SPTBN1: variants seen among roughly 807,000 people sequenced by gnomAD.
SPTBN1 encodes spectrin beta, non-erythrocytic 1.
SPTBN1 carries 32 observed loss-of-function variants against 266.4 expected under a neutral mutation model. The observed-to-expected ratio is 0.12, with a 90% CI of 0.09 to 0.16. The LOEUF (loss-of-function observed/expected upper bound fraction) is 0.16. SPTBN1 is among the 10% of genes least tolerant of loss of function. SPTBN1 has a pLI of 1.00. For missense variants in SPTBN1, 2,296 were observed against 3,067.1 expected (o/e 0.75, Z 5.94); for synonymous variants, 1,336 against 1,162.2 (o/e 1.15, Z -3.04).
At position 54,666,808 on chromosome 2, in the gene SPTBN1, C is replaced by T. The variant is rs1242157553; in HGVS notation, c.6833+720C>T. On this transcript the variant is annotated intron_variant, in intron 34 of 35. Transcript: ENST00000356805. Reference sequence around the variant, plus strand: ...CTTCCATTTATTTGTATGTTTCATGCCAGTTGGACTAGGCCCAGGGCTCCA... The same window carrying T: ...CTTCCATTTATTTGTATGTTTCATGTCAGTTGGACTAGGCCCAGGGCTCCA... Among the ~76,000 whole-genome samples the T allele has an allele frequency of 4.6e-5, 7 of 152,336 alleles. No homozygotes were observed. In the East Asian group the frequency reaches 7.7e-4, roughly 17 times the overall value.
At chr2:54,561,878 T>TA (rs1673331668) in intron 2 of SPTBN1, among the ~76,000 whole-genome samples, 3 of 64,950 alleles carry the variant, frequency 4.6e-5, no homozygotes, top group Admixed American at 1.7e-4. Flanking sequence ...ATAAGTGTGA[T>TA]TAAAAAAAAA....
At position 54,463,333 on chromosome 2, in the gene SPTBN1, A is replaced by G. The variant is rs541317004; in HGVS notation, c.-48+6815A>G. Among the ~76,000 whole-genome samples the G allele has an allele frequency of 7.4e-4, 113 of 152,380 alleles. 1 individual carries two copies. The highest frequency in any genetic ancestry group is 2.7e-3 in the African/African-American group (111 of 41,596). On this transcript the variant is annotated intron_variant, in intron 1 of 35. Transcript: ENST00000356805. ...GATGACAAATAGACAAGTCAAGTGCATGATTGGATATTTGATTGGGAAGAG... is the reference window on the plus strand; with the variant it reads ...GATGACAAATAGACAAGTCAAGTGCGTGATTGGATATTTGATTGGGAAGAG...
intron 1 of SPTBN1, among the ~76,000 whole-genome samples, chr2:54,460,999 T>C (rs1693337645): frequency 6.6e-6 from 1 of 152,064 alleles, no homozygotes; most frequent in South Asian, 2.1e-4. Context: ...CGAGACTCTG[T>C]CTCAAAAAAA....
intron 2 of SPTBN1, among the ~76,000 whole-genome samples, chr2:54,562,722 G>GTA (rs1673394619): frequency 6.7e-6 from 1 of 150,366 alleles, no homozygotes; most frequent in African/African-American, 2.5e-5. Context: ...GTGTGTGTGT[G>GTA]TGTGTGTGTG....
chr2:54,624,757 A>G (rs200805677), intron 10 of SPTBN1, 47 bp from the exon 11 acceptor site: 149 of 1,608,798 alleles, frequency 9.3e-5, no homozygotes, highest in East Asian at 2.2e-4. Flanking sequence ...TTCCTTGAAC[A>G]CTGCAGGAAA....
rs1034892391 is a variant in SPTBN1 at position 54,632,683 on chromosome 2, G to A, written c.3682G>A (p.Val1228Met). The A allele has an allele frequency of 3.1e-6, 5 of 1,614,228 alleles. No individual in the cohort carries two copies. Among genetic ancestry groups the A allele is most frequent in the Non-Finnish European group, 3.4e-6 (4 of 1,180,040 alleles). Residue 1228 changes from valine (V) to methionine (M), a missense_variant, in exon 17 of 36, where the codon GTG becomes ATG. Transcript: ENST00000356805. ...CGCCAATGAGGAGAAGATCAATGCT[G>A]TGGTGGAGACTGGCCGGAGGCTGGT... Reference protein sequence around the residue: ...MDANEEKINAVVETGRRLVSD... With the variant: ...MDANEEKINAMVETGRRLVSD...
At chr2:54,500,753 G>A (rs1404446131) in intron 1 of SPTBN1, among the ~76,000 whole-genome samples, 1 of 152,140 alleles carries the variant, frequency 6.6e-6, no homozygotes, top group South Asian at 2.1e-4. Flanking sequence ...GCCCAAGGTG[G>A]TCTCAAACTC....
intron 1 of SPTBN1, among the ~76,000 whole-genome samples, chr2:54,479,573 A>G (rs1339784777): frequency 1.3e-5 from 2 of 152,226 alleles, no homozygotes; most frequent in East Asian, 1.9e-4. Flanking sequence ...GGCATAAACT[A>G]GGAAGGTCTG....
intron 33 of SPTBN1, among the ~76,000 whole-genome samples, chr2:54,665,476 T>G (rs1448705948): frequency 1.3e-5 from 2 of 152,226 alleles, no homozygotes; most frequent in Admixed American, 6.5e-5. Flanking sequence ...GGGTCTGTCT[T>G]TCTGTCAAGT....
intron 3 of SPTBN1, among the ~76,000 whole-genome samples, chr2:54,610,597 T>G (rs577774609): frequency 6.6e-6 from 1 of 152,164 alleles, no homozygotes; most frequent in Non-Finnish European, 1.5e-5. Context: ...GATAAAAAGA[T>G]ATTTCACAAA....
At chr2:54,640,834 G>A (rs1350329964) in intron 18 of SPTBN1, among the ~76,000 whole-genome samples, 4 of 152,234 alleles carry the variant, frequency 2.6e-5, no homozygotes. Flanking sequence ...TTACAGGTGT[G>A]GGCCACCACG....
intron 2 of SPTBN1, among the ~76,000 whole-genome samples, chr2:54,578,011 G>C (rs1005821364): frequency 6.6e-6 from 1 of 152,198 alleles, no homozygotes; most frequent in African/African-American, 2.4e-5. Context: ...CCTTATCTTG[G>C]AGGACTTTAT....
At chr2:54,539,597 T>C (rs543042494) in intron 2 of SPTBN1, among the ~76,000 whole-genome samples, 4 of 152,286 alleles carry the variant, frequency 2.6e-5, no homozygotes, top group Admixed American at 1.3e-4. Flanking sequence ...TGGAGTGCAG[T>C]GGTGCGATTT....
chr2:54,616,589 A>T (rs1677632900), intron 5 of SPTBN1, among the ~76,000 whole-genome samples: 1 of 152,248 alleles, frequency 6.6e-6, no homozygotes, highest in African/African-American at 2.4e-5. Flanking sequence ...CTTAGGAATC[A>T]TATCCATGAT....
chr2:54,459,867 T>G lies in SPTBN1; in HGVS notation c.-48+3349T>G, dbSNP rs368798668. Reference sequence around the variant, plus strand: ...GCTTTTTCTCAGGGCATCTTTTCTTTGCAAAAGACCTAGTTTAGTACTCTG... The same window carrying G: ...GCTTTTTCTCAGGGCATCTTTTCTTGGCAAAAGACCTAGTTTAGTACTCTG... On this transcript the variant is annotated intron_variant, in intron 1 of 35. Transcript: ENST00000356805. Among the ~76,000 whole-genome samples, 15 of 152,320 alleles carry G rather than the reference T, an allele frequency of 9.8e-5. No individual in the cohort carries two copies. In the East Asian group the frequency reaches 1.3e-3, roughly 14 times the overall value.
intron 1 of SPTBN1, among the ~76,000 whole-genome samples, chr2:54,475,188 A>G (rs992141050): frequency 1.3e-5 from 2 of 152,096 alleles, no homozygotes; most frequent in Non-Finnish European, 2.9e-5. Flanking sequence ...CCTGGGTGAC[A>G]AGAGCGAAAC....
intron 18 of SPTBN1, 45 bp downstream of exon 18, chr2:54,637,848 C>A: frequency 6.9e-7 from 1 of 1,453,122 alleles, no homozygotes; most frequent in Non-Finnish European, 9.6e-7. Context: ...CCAGTAATAG[C>A]AATTGCCAGC....
chr2:54,647,031 T>C, intron 23 of SPTBN1, 100 bp from the exon 24 acceptor site: 4 of 1,568,014 alleles, frequency 2.6e-6, no homozygotes, highest in South Asian at 1.2e-5. Context: ...TTCTTTCTAC[T>C]GATCCTTCCT....
rs1443031991 is a variant in SPTBN1, at chr2:54,629,066, C to T, written c.1932C>T (p.Phe644=). The change falls in exon 14 of 36, where the codon TTC becomes TTT. Residue 644 remains phenylalanine (F), a synonymous_variant. Transcript: ENST00000356805. ...AGTCCCGCCGCCTCTGGAAGTTCTTCTGGGAGATGGCAGAAGAGGAAGGCT... is the reference window on the plus strand; with the variant it reads ...AGTCCCGCCGCCTCTGGAAGTTCTTTTGGGAGATGGCAGAAGAGGAAGGCT... ...LEESRRLWKF[F]WEMAEEEGWI... is the part of the protein sequence containing the mutation. The T allele has an allele frequency of 4.3e-6, 7 of 1,613,750 alleles. No homozygotes were observed. Among genetic ancestry groups the T allele is most frequent in the African/African-American group, 1.3e-5 (1 of 74,940 alleles).
Sources: allele counts gnomAD v4.1 joint callset (sites outside exome capture counted in the v4.1 genomes callset), GRCh38; gene constraint gnomAD v4.1.1; transcripts MANE v1.5; gene names NCBI Gene and HGNC (gene_info 2026-07-23, HGNC 2026-07-21).